ZC2HC1B: variants seen among roughly 807,000 people sequenced by gnomAD.
ZC2HC1B encodes the protein zinc finger C2HC-type containing 1B.
In ZC2HC1B, 36 loss-of-function variants were observed where a neutral mutation model predicts 31.0. The ratio of observed to expected loss-of-function variants is 1.16; its 90% CI spans 0.89 to 1.54. The LOEUF is 1.54. ZC2HC1B is among the 40% of genes most tolerant of loss of function. The probability of loss-of-function intolerance (pLI) is 0.00; values close to 1 mark genes in which losing one functional copy is unlikely to be tolerated. For missense variants in ZC2HC1B, 260 were observed against 268.6 expected (o/e 0.97, Z 0.22); for synonymous variants, 73 against 88.0 (o/e 0.83, Z 0.95).
intron 6 of ZC2HC1B, among the ~76,000 whole-genome samples, chr6:143,930,976 T>G (rs1778112453): frequency 1.3e-5 from 2 of 152,218 alleles, no homozygotes; most frequent in Non-Finnish European, 2.9e-5. Context: ...AGTGCTGAAG[T>G]CCCCACTATT....
chr6:143,916,595 G>T (rs1161060186), intron 6 of ZC2HC1B, among the ~76,000 whole-genome samples: 1 of 152,236 alleles, frequency 6.6e-6, no homozygotes, highest in Non-Finnish European at 1.5e-5. Flanking sequence ...ATCCTACAAA[G>T]CCCCAGGGGT....
At chr6:143,894,496 G>A in intron 4 of ZC2HC1B, among the ~76,000 whole-genome samples, 1 of 152,084 alleles carries the variant, frequency 6.6e-6, no homozygotes, top group East Asian at 1.9e-4. Context: ...GACTATTTAA[G>A]AAAGTGCAAA....
chr6:143,866,102 G>A (rs116482921), intron 1 of ZC2HC1B, among the ~76,000 whole-genome samples: 2,191 of 152,246 alleles, frequency 0.014, 46 homozygotes, highest in African/African-American at 0.05. Flanking sequence ...GGCATGAGCC[G>A]CCAACACCCG....
rs978680317 is a variant in ZC2HC1B, at chr6:143,918,132, A to G, written c.598+14980A>G. Among the ~76,000 whole-genome samples the G allele has an allele frequency of 2.0e-5, 3 of 152,098 alleles. No homozygotes were observed. Among genetic ancestry groups the G allele is most frequent in the Non-Finnish European group, 4.4e-5 (3 of 68,020 alleles). ...AGGTCTCATGATAATGAACTTCCTC[A>G]GCTTTTGTTTATCTGGGAATGTCTT... is the stretch of plus-strand genomic sequence containing the variant. On this transcript the variant is annotated intron_variant, in intron 6 of 7. Coordinates refer to ENST00000237275, the MANE Select transcript of ZC2HC1B (RefSeq NM_001013623.3). This position sits in a 1 kb window ranked among gnomAD's most constrained non-coding sequence, Gnocchi z 4.1.
At chr6:143,904,098 A>G (rs1219384416) in intron 6 of ZC2HC1B, among the ~76,000 whole-genome samples, 2 of 152,188 alleles carry the variant, frequency 1.3e-5, no homozygotes, top group Non-Finnish European at 2.9e-5. Context: ...TTATGAGGTT[A>G]AGCCTCTTTT....
intron 6 of ZC2HC1B, among the ~76,000 whole-genome samples, chr6:143,912,112 A>G (rs1777867755): frequency 1.3e-5 from 2 of 152,178 alleles, no homozygotes; most frequent in African/African-American, 4.8e-5. Context: ...TTTCAGCTCT[A>G]ACAGATTAGT....
In ZC2HC1B at chr6:143,869,410, G is replaced by A. The variant is rs1032878663; in HGVS notation, c.28+4843G>A. On this transcript the variant is annotated intron_variant, in intron 1 of 7. Coordinates refer to ENST00000237275, the MANE Select transcript of ZC2HC1B (RefSeq NM_001013623.3). This position sits in a 1 kb window ranked among gnomAD's most constrained non-coding sequence, Gnocchi z 5.2. ...ATCAATCCAACTGCTTCAGGATGAT[G>A]AAGAACATGGTGAGACCAGTGAATT... 6.6e-6 allele frequency among the ~76,000 whole-genome samples: 1 copy of A among 152,232 alleles called. No homozygotes were observed. The highest frequency in any genetic ancestry group is 1.5e-5 in the Non-Finnish European group (1 of 68,038).
At chr6:143,888,104 A>G (rs989968735) in intron 4 of ZC2HC1B, among the ~76,000 whole-genome samples, 13 of 152,034 alleles carry the variant, frequency 8.6e-5, no homozygotes, top group African/African-American at 3.1e-4. Context: ...AGTTTCCAAC[A>G]TCGTTTTTTT....
chr6:143,880,408 T>TG (rs1582953766), intron 1 of ZC2HC1B, among the ~76,000 whole-genome samples: 1 of 152,218 alleles, frequency 6.6e-6, no homozygotes, highest in African/African-American at 2.4e-5. Context: ...ATTAAAAGTT[T>TG]GGAAATACAG....
intron 1 of ZC2HC1B, among the ~76,000 whole-genome samples, chr6:143,882,280 T>C (rs574526177): frequency 6.8e-6 from 1 of 147,214 alleles, no homozygotes; most frequent in African/African-American, 2.5e-5. Context: ...TCAAGATGAG[T>C]AGTTTCAGGT....
At chr6:143,874,396 A>G (rs1329083537) in intron 1 of ZC2HC1B, among the ~76,000 whole-genome samples, 1 of 152,200 alleles carries the variant, frequency 6.6e-6, no homozygotes, top group Non-Finnish European at 1.5e-5. Context: ...ACCCAGTTCC[A>G]AAGTCACTTC....
intron 4 of ZC2HC1B, among the ~76,000 whole-genome samples, chr6:143,888,332 G>A (rs144084200): frequency 1.3e-5 from 2 of 151,988 alleles, no homozygotes; most frequent in Admixed American, 1.3e-4. Context: ...ACATCAGGAA[G>A]TTTGAGTTCT....
intron 6 of ZC2HC1B, among the ~76,000 whole-genome samples, chr6:143,936,102 A>G (rs1251396830): frequency 1.3e-5 from 2 of 152,170 alleles, no homozygotes; most frequent in African/African-American, 4.8e-5. Context: ...CCTCCCACAT[A>G]TAACAGTTTT....
In ZC2HC1B at chr6:143,903,116, G is replaced by A; in HGVS notation, c.562G>A (p.Val188Ile). ...TGTGGGAGCTTTGCTGCAGAACAGG[G>A]TCCTGGTGGCCACGAATGAAGTCCC... ...SAVGALLQNR[V>I]LVATNEVPTK... Residue 188 changes from valine (V) to isoleucine (I), a missense_variant, in exon 6 of 8, where the codon GTC becomes ATC. Val to Ile is a conservative substitution (Grantham distance 29). Coordinates refer to ENST00000237275, the MANE Select transcript of ZC2HC1B (RefSeq NM_001013623.3). This position sits in a 1 kb window ranked among gnomAD's most constrained non-coding sequence, Gnocchi z 4.3. 6.4e-7 allele frequency: 1 copy of A among 1,552,100 alleles called. No individual in the cohort carries two copies. The highest frequency in any genetic ancestry group is 8.7e-7 in the Non-Finnish European group (1 of 1,147,076).
chr6:143,892,898 T>G (rs752264661), intron 4 of ZC2HC1B, among the ~76,000 whole-genome samples: 8 of 151,724 alleles, frequency 5.3e-5, no homozygotes, highest in Non-Finnish European at 8.8e-5. Flanking sequence ...CACTAATAAT[T>G]TTTTTTTAAA....
chr6:143,882,953 C>G (rs1777487048), intron 1 of ZC2HC1B, among the ~76,000 whole-genome samples: 1 of 152,136 alleles, frequency 6.6e-6, no homozygotes, highest in Non-Finnish European at 1.5e-5. Context: ...CTCCTAACTC[C>G]CACAAATCTA....
rs779950357 is a variant in ZC2HC1B, at chr6:143,915,324, C to A, written c.598+12172C>A. Among the ~76,000 whole-genome samples, 9 of 152,218 alleles carry A rather than the reference C, an allele frequency of 5.9e-5. No individual in the cohort carries two copies. Among genetic ancestry groups the A allele is most frequent in the Non-Finnish European group, 1.2e-4 (8 of 68,038 alleles). On this transcript the variant is annotated intron_variant, in intron 6 of 7. Coordinates refer to ENST00000237275, the MANE Select transcript of ZC2HC1B (RefSeq NM_001013623.3). The surrounding 1 kb of genome is among the most constrained non-coding windows in gnomAD (Gnocchi z 5.2). ...TCACCTTCCACCATGATTGTGTGGCCTTCCCAGCCATGTGGAACTGTAAGT... is the reference window on the plus strand; with the variant it reads ...TCACCTTCCACCATGATTGTGTGGCATTCCCAGCCATGTGGAACTGTAAGT...
At position 143,903,005 on chromosome 6, in the gene ZC2HC1B, G is replaced by A. The variant is rs1002479926; in HGVS notation, c.490-39G>A. 1.1e-5 allele frequency: 17 copies of A among 1,542,258 alleles called. No homozygotes were observed. In the African/African-American group the frequency reaches 2.3e-4, roughly 21 times the overall value. On this transcript the variant is annotated intron_variant, in intron 5 of 7. Transcript: ENST00000237275. This position sits in a 1 kb window ranked among gnomAD's most constrained non-coding sequence, Gnocchi z 4.3. The stretch of plus-strand genomic sequence containing the variant: ...TATGTGGCACCTGAGGTTACATACA[G>A]AAGGTGTTCTCTTTGTCTCTTTCTT...
At position 143,911,679 on chromosome 6, in the gene ZC2HC1B, T is replaced by C. The variant is rs1777858225; in HGVS notation, c.598+8527T>C. Among the ~76,000 whole-genome samples the C allele has an allele frequency of 6.6e-6, 1 of 152,198 alleles. No homozygotes were observed. Among genetic ancestry groups the C allele is most frequent in the Non-Finnish European group, 1.5e-5 (1 of 68,020 alleles). On this transcript the variant is annotated intron_variant, in intron 6 of 7. Transcript: ENST00000237275. The surrounding 1 kb of genome is among the most constrained non-coding windows in gnomAD (Gnocchi z 4.5). ...TTGCCTTTGTAGGTGACCTGGCCTT[T>C]CTCTCTGGCTGCCCTTAACCATTTT...
Sources: gnomAD v4.1 joint callset for allele counts (sites outside exome capture counted in the v4.1 genomes callset) on GRCh38, gnomAD v4.1.1 for gene constraint, Gnocchi (gnomAD v3.1) non-coding constraint, MANE v1.5 for transcripts, NCBI Gene and HGNC (gene_info 2026-07-23, HGNC 2026-07-21) for gene names.